Variants in UBE2D2 observed in about 807,000 individuals in gnomAD.
UBE2D2 encodes ubiquitin-conjugating enzyme E2 D2.
UBE2D2 carries 2 observed loss-of-function variants against 24.2 expected under a neutral mutation model. The ratio of observed to expected loss-of-function variants is 0.08; its 90% CI spans 0.03 to 0.26. The LOEUF (loss-of-function observed/expected upper bound fraction) is 0.26. Ranked by LOEUF, UBE2D2 falls within the 10% of genes least tolerant of loss-of-function variation. The pLI, the probability that UBE2D2 is intolerant of heterozygous loss-of-function variation, is 1.00. For missense variants in UBE2D2, 44 were observed against 177.6 expected (o/e 0.25, Z 4.28); for synonymous variants, 58 against 56.5 (o/e 1.03, Z -0.12).
At chr5:139,608,493 G>T (rs1325303172) in intron 2 of UBE2D2, among the ~76,000 whole-genome samples, 1 of 152,040 alleles carries the variant, frequency 6.6e-6, no homozygotes, top group East Asian at 1.9e-4. Flanking sequence ...GGTGGCTCAT[G>T]CCTATATTCC....
intron 1 of UBE2D2, among the ~76,000 whole-genome samples, chr5:139,568,911 G>T (rs1443818013): frequency 1.3e-5 from 2 of 151,942 alleles, no homozygotes; most frequent in African/African-American, 4.8e-5. Context: ...TGGAGGTTGT[G>T]GTGAGCTGAG....
chr5:139,549,714 G>A (rs1716571553), intron 1 of UBE2D2, among the ~76,000 whole-genome samples: 1 of 152,234 alleles, frequency 6.6e-6, no homozygotes. Context: ...GACCGCCCAA[G>A]GGCTGAGGAG....
At chr5:139,573,966 C>A (rs1051051451) in intron 1 of UBE2D2, among the ~76,000 whole-genome samples, 1 of 150,906 alleles carries the variant, frequency 6.6e-6, no homozygotes, top group Non-Finnish European at 1.5e-5. Flanking sequence ...GCGAGACTGT[C>A]TCTAAATAAA....
At chr5:139,533,288 T>C (rs1363598749) in intron 1 of UBE2D2, among the ~76,000 whole-genome samples, 2 of 151,862 alleles carry the variant, frequency 1.3e-5, no homozygotes, top group African/African-American at 4.8e-5. Flanking sequence ...AAAAAAATCA[T>C]TGAATTGTAC....
intron 1 of UBE2D2, among the ~76,000 whole-genome samples, chr5:139,551,842 GC>G (rs1752924272): frequency 6.6e-6 from 1 of 152,190 alleles, no homozygotes; most frequent in South Asian, 2.1e-4. Flanking sequence ...AAACCAGACT[GC>G]TAATAAACAT....
chr5:139,583,981 TA>T (rs1363915470), intron 1 of UBE2D2, among the ~76,000 whole-genome samples: 3 of 152,192 alleles, frequency 2.0e-5, no homozygotes, highest in South Asian at 4.1e-4. Context: ...AAAAGTAAAT[TA>T]AAAAAATAAT....
At position 139,626,891 on chromosome 5, in the gene UBE2D2, T is replaced by C. The variant is rs1269571970; in HGVS notation, c.*90T>C. The stretch of plus-strand genomic sequence containing the variant: ...TTGATTTCCATTTGACTGCTTTCTA[T>C]GAGCCCACGCCTCATCTTCCCCTGT... On this transcript the variant is annotated 3_prime_UTR_variant, in exon 7 of 7. Transcript: ENST00000398733. The C allele has an allele frequency of 3.6e-6, 4 of 1,103,300 alleles. No individual in the cohort carries two copies. The African/African-American group carries it at 6.3e-5, about 17-fold the overall frequency. 68.3% of individuals were successfully genotyped at this position (1,103,300 alleles called of 1,614,324 possible).
chr5:139,584,651 G>C (rs1753686193), intron 1 of UBE2D2, among the ~76,000 whole-genome samples: 1 of 148,498 alleles, frequency 6.7e-6, no homozygotes, highest in Non-Finnish European at 1.5e-5. Flanking sequence ...TCCTGCCTCA[G>C]CCTCCCTAGT....
At chr5:139,605,314 CG>C (rs1754174157) in intron 2 of UBE2D2, among the ~76,000 whole-genome samples, 1 of 151,938 alleles carries the variant, frequency 6.6e-6, no homozygotes, top group Non-Finnish European at 1.5e-5. Flanking sequence ...AGTAAGCAGC[CG>C]GGCCCGGTGG....
intron 1 of UBE2D2, among the ~76,000 whole-genome samples, chr5:139,555,213 T>C (rs1240428479): frequency 1.3e-5 from 2 of 152,002 alleles, no homozygotes; most frequent in South Asian, 2.1e-4. Context: ...ACCTGGCTAA[T>C]TTTTGTATTT....
At chr5:139,623,187 A>AAATAAT (rs373300447) in intron 5 of UBE2D2, among the ~76,000 whole-genome samples, 181 bp from the exon 6 acceptor site, 2 of 151,646 alleles carry the variant, frequency 1.3e-5, no homozygotes. Flanking sequence ...AAAAAAAAAG[A>AAATAAT]AATAATAATA....
At chr5:139,558,333 A>AG (rs1395342506), upstream of UBE2D2, among the ~76,000 whole-genome samples, 1 of 152,118 alleles carries the variant, frequency 6.6e-6, no homozygotes. Context: ...TGTTGCCCAG[A>AG]CTGGAGTGCA....
At chr5:139,574,744 A>G (rs1002598071) in intron 1 of UBE2D2, among the ~76,000 whole-genome samples, 3 of 149,466 alleles carry the variant, frequency 2.0e-5, no homozygotes, top group Non-Finnish European at 4.5e-5. Flanking sequence ...GCAAAAAAAA[A>G]AAAAAAAAAG....
upstream of UBE2D2, among the ~76,000 whole-genome samples, chr5:139,557,307 T>A (rs1395893552): frequency 6.7e-6 from 1 of 150,366 alleles, no homozygotes; most frequent in African/African-American, 2.4e-5. Context: ...TAATTTTGTA[T>A]TTTTTTTTAG....
At chr5:139,621,258 A>C (rs919601259) in intron 5 of UBE2D2, among the ~76,000 whole-genome samples, 1 of 152,184 alleles carries the variant, frequency 6.6e-6, no homozygotes, top group African/African-American at 2.4e-5. Flanking sequence ...AAATACATAC[A>C]TAAATAAATA....
intron 1 of UBE2D2, among the ~76,000 whole-genome samples, chr5:139,582,925 C>T (rs572427715): frequency 1.3e-5 from 2 of 151,566 alleles, no homozygotes; most frequent in South Asian, 4.2e-4. Context: ...CCGCCTCGGC[C>T]TCCCAAAGTG....
At chr5:139,577,801 A>T (rs1254667967) in intron 1 of UBE2D2, among the ~76,000 whole-genome samples, 1 of 152,154 alleles carries the variant, frequency 6.6e-6, no homozygotes, top group Non-Finnish European at 1.5e-5. Context: ...TGATACTAGC[A>T]TTCATCTCCC....
intron 1 of UBE2D2, among the ~76,000 whole-genome samples, chr5:139,552,675 ATTTTTTTTTT>A (rs35039276): frequency 3.4e-5 from 2 of 59,340 alleles, no homozygotes; most frequent in Non-Finnish European, 6.5e-5. Flanking sequence ...CGCTTGGCTA[ATTTTTTTTTT>A]TTTTTTTTTT....
intron 2 of UBE2D2, among the ~76,000 whole-genome samples, chr5:139,606,487 A>G (rs1754203579): frequency 6.6e-6 from 1 of 152,104 alleles, no homozygotes; most frequent in Admixed American, 6.6e-5. Flanking sequence ...TCAAGGCTTC[A>G]TCCAGAATAC....
Sources: allele counts gnomAD v4.1 joint callset (sites outside exome capture counted in the v4.1 genomes callset), GRCh38; gene constraint gnomAD v4.1.1; transcripts MANE v1.5; gene names NCBI Gene and HGNC (gene_info 2026-07-23, HGNC 2026-07-21).